RPS6KC1: variants seen among roughly 807,000 people sequenced by gnomAD.
RPS6KC1 encodes ribosomal protein S6 kinase C1.
RPS6KC1 carries 54 observed loss-of-function variants against 103.8 expected under a neutral mutation model. That is an observed-to-expected ratio of 0.52 (90% CI 0.42 to 0.65). The LOEUF is 0.65. Among genes scored for constraint, RPS6KC1 ranks in the 30% least tolerant of loss-of-function variants. The pLI, the probability that RPS6KC1 is intolerant of heterozygous loss-of-function variation, is 0.00. For missense variants in RPS6KC1, 1,151 were observed against 1,253.8 expected (o/e 0.92, Z 1.24); for synonymous variants, 439 against 438.7 (o/e 1.00, Z -0.01).
intron 10 of RPS6KC1, among the ~76,000 whole-genome samples, chr1:213,239,835 T>C (rs186699063): frequency 8.5e-5 from 13 of 152,350 alleles, no homozygotes; most frequent in Admixed American, 1.3e-4. Context: ...ACTACTGTTA[T>C]AGCAGGTTTT....
the RPS6KC1 span, among the ~76,000 whole-genome samples, chr1:213,504,990 G>A: frequency 6.6e-6 from 1 of 152,104 alleles, no homozygotes. Context: ...AAGCCACTAA[G>A]TTCCCCACAA....
At chr1:213,332,217 C>G in the RPS6KC1 span, among the ~76,000 whole-genome samples, 6 of 152,124 alleles carry the variant, frequency 3.9e-5, no homozygotes, top group Non-Finnish European at 8.8e-5. Context: ...TCATTTTATG[C>G]CACCTGCCCA....
the RPS6KC1 span, among the ~76,000 whole-genome samples, chr1:213,656,654 T>C: frequency 1.3e-5 from 2 of 152,202 alleles, no homozygotes; most frequent in Non-Finnish European, 2.9e-5. Flanking sequence ...ATTACCCTGA[T>C]TCTGGGTCCA....
At chr1:213,448,277 G>A in the RPS6KC1 span, among the ~76,000 whole-genome samples, 2 of 147,004 alleles carry the variant, frequency 1.4e-5, no homozygotes, top group African/African-American at 5.0e-5. Context: ...ACTATTTGTG[G>A]TGGAATGAAA....
At chr1:213,082,939 C>G (rs1256209380) in intron 3 of RPS6KC1, among the ~76,000 whole-genome samples, 1 of 152,154 alleles carries the variant, frequency 6.6e-6, no homozygotes, top group African/African-American at 2.4e-5. Context: ...CCTTACACAT[C>G]CTCTCAAATA....
the RPS6KC1 span, among the ~76,000 whole-genome samples, chr1:213,683,200 G>A: frequency 6.6e-6 from 1 of 152,178 alleles, no homozygotes; most frequent in South Asian, 2.1e-4. Flanking sequence ...AATCTCATCT[G>A]AGTCTGCCTG....
chr1:213,383,433 C>G, the RPS6KC1 span, among the ~76,000 whole-genome samples: 2 of 152,198 alleles, frequency 1.3e-5, no homozygotes, highest in African/African-American at 2.4e-5. Flanking sequence ...AGGCCCTTCC[C>G]TTGAAAGTAG....
intron 3 of RPS6KC1, among the ~76,000 whole-genome samples, chr1:213,099,698 A>G (rs1467453534): frequency 1.3e-5 from 2 of 152,006 alleles, no homozygotes; most frequent in African/African-American, 4.8e-5. Flanking sequence ...AACTTTTTCT[A>G]CTATATATTA....
chr1:213,067,428 C>T (rs1453096485), intron 1 of RPS6KC1, among the ~76,000 whole-genome samples: 1 of 152,174 alleles, frequency 6.6e-6, no homozygotes, highest in African/African-American at 2.4e-5. Context: ...AAAAAACTGT[C>T]CGTGGGACCA....
At chr1:213,318,851 G>A in the RPS6KC1 span, among the ~76,000 whole-genome samples, 1 of 152,204 alleles carries the variant, frequency 6.6e-6, no homozygotes, top group Non-Finnish European at 1.5e-5. Context: ...TAAATTTTGG[G>A]TAGGGACACA....
At chr1:213,632,931 T>C in the RPS6KC1 span, among the ~76,000 whole-genome samples, 1 of 151,914 alleles carries the variant, frequency 6.6e-6, no homozygotes, top group Non-Finnish European at 1.5e-5. Context: ...TTTGAACAAG[T>C]GGAAGAAAGG....
the RPS6KC1 span, among the ~76,000 whole-genome samples, chr1:213,354,228 C>T: frequency 5.9e-5 from 9 of 152,296 alleles, no homozygotes; most frequent in Non-Finnish European, 1.2e-4. Context: ...GTCATGTAGA[C>T]GAAGCTCTTA....
intron 12 of RPS6KC1, among the ~76,000 whole-genome samples, chr1:213,257,121 G>A (rs2094664524): frequency 6.6e-6 from 1 of 152,080 alleles, no homozygotes; most frequent in South Asian, 2.1e-4. Flanking sequence ...TATGGACTGT[G>A]CTTATCTTGT....
chr1:213,727,935 G>A, the RPS6KC1 span, among the ~76,000 whole-genome samples: 3 of 152,288 alleles, frequency 2.0e-5, no homozygotes, highest in Admixed American at 1.3e-4. Context: ...GATAAAATGC[G>A]TATCTAAGAG....
At chr1:213,098,941 T>A (rs1348081330) in intron 3 of RPS6KC1, among the ~76,000 whole-genome samples, 1 of 152,232 alleles carries the variant, frequency 6.6e-6, no homozygotes, top group Admixed American at 6.5e-5. Context: ...AAATTTGTTT[T>A]GCATTTTCTA....
At chr1:213,183,539 C>G (rs1464019000) in intron 8 of RPS6KC1, among the ~76,000 whole-genome samples, 1 of 151,440 alleles carries the variant, frequency 6.6e-6, no homozygotes, top group African/African-American at 2.4e-5. Flanking sequence ...AGTTATACTA[C>G]TAAGTAATTC....
At chr1:213,203,864 G>A (rs1185304377) in intron 8 of RPS6KC1, among the ~76,000 whole-genome samples, 2 of 152,134 alleles carry the variant, frequency 1.3e-5, no homozygotes, top group Admixed American at 6.6e-5. Flanking sequence ...TAAAGACTTG[G>A]TAGCTTTTAC....
chr1:213,170,164 A>G (rs1472885751), intron 7 of RPS6KC1, among the ~76,000 whole-genome samples: 2 of 152,188 alleles, frequency 1.3e-5, no homozygotes, highest in East Asian at 1.9e-4. Flanking sequence ...GTTTACCTAT[A>G]CTTATTCATG....
At chr1:213,056,637 G>A (rs1014801665) in intron 1 of RPS6KC1, among the ~76,000 whole-genome samples, 1 of 152,178 alleles carries the variant, frequency 6.6e-6, no homozygotes, top group Non-Finnish European at 1.5e-5. Flanking sequence ...TATTTATATT[G>A]CTTGGAGGGA....
Sources: gnomAD v4.1 joint callset for allele counts (sites outside exome capture counted in the v4.1 genomes callset) on GRCh38, gnomAD v4.1.1 for gene constraint, MANE v1.5 for transcripts, NCBI Gene and HGNC (gene_info 2026-07-23, HGNC 2026-07-21) for gene names.